USP7: variants seen among roughly 807,000 people sequenced by gnomAD.
USP7 encodes the protein ubiquitin specific peptidase 7.
In USP7, 9 loss-of-function variants were observed where a neutral mutation model predicts 162.9. The observed-to-expected ratio is 0.06, with a 90% confidence interval of 0.03 to 0.10. The LOEUF (loss-of-function observed/expected upper bound fraction) is 0.10. Ranked by LOEUF, USP7 falls within the 10% of genes least tolerant of loss-of-function variation. USP7 has a pLI of 1.00. For missense variants in USP7, 715 were observed against 1,373.7 expected, an observed-to-expected ratio of 0.52 and a Z score of 7.58; for synonymous variants, 562 against 475.9, an observed-to-expected ratio of 1.18 and a Z score of -2.35.
intron 2 of USP7, among the ~76,000 whole-genome samples, 170 bp downstream of exon 2, chr16:8,930,121 GGC>G (rs1187925243): frequency 6.6e-6 from 1 of 152,194 alleles, no homozygotes; most frequent in African/African-American, 2.4e-5. Context: ...CAATGGTGTA[GGC>G]AATCTTGAAA....
At chr16:8,904,727 G>C (rs940592400) in intron 14 of USP7, among the ~76,000 whole-genome samples, 162 bp from the exon 15 acceptor site, 1 of 151,664 alleles carries the variant, frequency 6.6e-6, no homozygotes, top group African/African-American at 2.4e-5. Context: ...CCGATCACGA[G>C]GTCAGGAAAT....
At chr16:8,918,340 T>C (rs1897492731) in intron 6 of USP7, among the ~76,000 whole-genome samples, 1 of 152,236 alleles carries the variant, frequency 6.6e-6, no homozygotes, top group African/African-American at 2.4e-5. Flanking sequence ...AACTAACTCA[T>C]CTATATTAGA....
chr16:8,947,951 G>A (rs548902673), intron 1 of USP7, among the ~76,000 whole-genome samples: 4 of 152,256 alleles, frequency 2.6e-5, no homozygotes, highest in African/African-American at 9.6e-5. Context: ...TGTCTCCAGG[G>A]TCTTTAGGCT....
chr16:8,946,191 CTG>C (rs1454472112), intron 1 of USP7, among the ~76,000 whole-genome samples: 1 of 152,160 alleles, frequency 6.6e-6, no homozygotes, highest in Non-Finnish European at 1.5e-5. Flanking sequence ...AACCCCAAGA[CTG>C]TAAGAAAACA....
chr16:8,895,450 T>G (rs946590583), intron 27 of USP7, among the ~76,000 whole-genome samples, 192 bp downstream of exon 27: 16 of 152,246 alleles, frequency 1.1e-4, no homozygotes, highest in African/African-American at 3.9e-4. Flanking sequence ...CTGTCTGGAT[T>G]GGGTTGGTAA....
intron 25 of USP7, among the ~76,000 whole-genome samples, chr16:8,897,752 A>T (rs2061711453): frequency 2.1e-5 from 2 of 93,948 alleles, no homozygotes; most frequent in Non-Finnish European, 2.2e-5. Context: ...TATATAAATG[A>T]GTTGGGCGTG....
chr16:8,963,274 C>G lies in USP7; in HGVS notation c.12G>C (p.Gln4His), dbSNP rs750093857. ...CCGCTTTCTGCTGCTGCTGCTGCTG[C>G]TGGTGGTTCATGTCGGCCGCGGCCT... MNH[Q>H]QQQQQQKAGE... Residue 4 changes from glutamine to histidine, a missense_variant, in exon 1 of 31, where the codon CAG becomes CAC. Around this residue, in one of 11 missense-constraint regions of USP7, gnomAD observed 137 missense variants for 123.5 expected, o/e 1.11. Coordinates refer to ENST00000344836, the MANE Select transcript of USP7 (RefSeq NM_003470.3). The G allele has an allele frequency of 6.5e-4, 809 of 1,243,374 alleles. No individual in the cohort carries two copies. The highest frequency in any genetic ancestry group is 1.9e-3 in the South Asian group (117 of 62,406). The allele number at this position is 1,243,374 out of a possible 1,614,324, so 77.0% of individuals were successfully genotyped here.
intron 11 of USP7, among the ~76,000 whole-genome samples, chr16:8,908,673 G>T (rs765049910): frequency 3.9e-5 from 6 of 152,226 alleles, no homozygotes; most frequent in Non-Finnish European, 8.8e-5. Context: ...CTGACTGTGA[G>T]AGATTCTCTT....
intron 10 of USP7, among the ~76,000 whole-genome samples, chr16:8,911,120 G>C (rs1054580283): frequency 6.6e-6 from 1 of 152,190 alleles, no homozygotes; most frequent in Non-Finnish European, 1.5e-5. Flanking sequence ...CTATGATTAT[G>C]AAGACAGCTT....
intron 1 of USP7, chr16:8,962,370 C>G: frequency 4.1e-6 from 1 of 244,726 alleles, no homozygotes; most frequent in South Asian, 3.6e-5. Flanking sequence ...ATCCAACACC[C>G]TTCTCTTTAC....
chr16:8,932,219 A>G (rs1210857252), intron 1 of USP7, among the ~76,000 whole-genome samples: 1 of 152,226 alleles, frequency 6.6e-6, no homozygotes, highest in East Asian at 1.9e-4. Context: ...AAGACATTAA[A>G]GATCAATTTC....
chr16:8,959,339 T>G (rs1168249582), intron 1 of USP7, among the ~76,000 whole-genome samples: 1 of 142,840 alleles, frequency 7.0e-6, no homozygotes, highest in Non-Finnish European at 1.5e-5. Context: ...TCTTTCTCCT[T>G]TTCCAAAACA....
chr16:8,922,317 C>T (rs937676420), intron 3 of USP7, among the ~76,000 whole-genome samples: 1 of 152,156 alleles, frequency 6.6e-6, no homozygotes, highest in Non-Finnish European at 1.5e-5. Context: ...GGTGAAACCC[C>T]GTCCCTATGA....
At chr16:8,956,738 G>A (rs1899820434) in intron 1 of USP7, among the ~76,000 whole-genome samples, 1 of 151,738 alleles carries the variant, frequency 6.6e-6, no homozygotes, top group Non-Finnish European at 1.5e-5. Flanking sequence ...ACTCCAGCCT[G>A]GGTAACGAAT....
chr16:8,919,253 T>C, intron 5 of USP7, 114 bp from the exon 6 acceptor site: 3 of 958,494 alleles, frequency 3.1e-6, no homozygotes, highest in Non-Finnish European at 3.3e-6. Context: ...CCAGGAACAC[T>C]TATCACACAG....
At chr16:8,959,896 G>A (rs1899944086) in intron 1 of USP7, among the ~76,000 whole-genome samples, 1 of 152,186 alleles carries the variant, frequency 6.6e-6, no homozygotes, top group Non-Finnish European at 1.5e-5. Context: ...CAGTCTAAGT[G>A]TCATAGAAAA....
chr16:8,961,526 T>G (rs1900014418), intron 1 of USP7, among the ~76,000 whole-genome samples: 2 of 135,588 alleles, frequency 1.5e-5, no homozygotes, highest in Non-Finnish European at 3.2e-5. Context: ...GCAAATACCT[T>G]GAAATTTGTG....
intron 1 of USP7, among the ~76,000 whole-genome samples, chr16:8,937,278 CTCACGCCTGTAA>C (rs955157267): frequency 2.6e-5 from 4 of 152,146 alleles, no homozygotes; most frequent in Non-Finnish European, 5.9e-5. Flanking sequence ...GGCAGGGTGG[CTCACGCCTGTAA>C]TCCCAACACT....
intron 7 of USP7, 96 bp downstream of exon 7, chr16:8,916,930 T>G (rs1245980073): frequency 2.2e-6 from 3 of 1,375,810 alleles, no homozygotes; most frequent in Non-Finnish European, 2.9e-6. Context: ...GTGCCTACAG[T>G]ATGCTCTACT....
Sources: gnomAD v4.1 joint callset for allele counts (sites outside exome capture counted in the v4.1 genomes callset) on GRCh38, gnomAD v4.1.1 for gene constraint, gnomAD v4.1.1 regional missense constraint, MANE v1.5 for transcripts, NCBI Gene and HGNC (gene_info 2026-07-23, HGNC 2026-07-21) for gene names.